The following NRXN3 variants were observed in gnomAD, a reference collection of about 807,000 sequenced individuals.
NRXN3 encodes the protein neurexin III.
A neutral mutation model predicts 137.6 loss-of-function variants in NRXN3; 32 were observed. The ratio of observed to expected loss-of-function variants is 0.23; its 90% CI spans 0.18 to 0.31. NRXN3 has a LOEUF of 0.31. NRXN3 is among the 10% of genes least tolerant of loss of function. The pLI, the probability that NRXN3 is intolerant of heterozygous loss-of-function variation, is 1.00. For synonymous variants in NRXN3, 798 were observed against 784.5 expected (o/e 1.02, Z -0.29); for missense variants, 1,574 against 2,062.5 (o/e 0.76, Z 4.59).
chr14:79,690,348 G>T (rs759838428), intron 17 of NRXN3, among the ~76,000 whole-genome samples: 1 of 151,906 alleles, frequency 6.6e-6, no homozygotes, highest in Non-Finnish European at 1.5e-5. Flanking sequence ...ATATTCTTTC[G>T]CCATGGGCTA....
intron 16 of NRXN3, among the ~76,000 whole-genome samples, chr14:79,523,765 A>G (rs1010464581): frequency 3.9e-5 from 6 of 152,352 alleles, no homozygotes; most frequent in African/African-American, 1.4e-4. Context: ...TTGTATAAGT[A>G]TGTAACTTCA....
chr14:79,375,235 G>GTTTTTTTTT (rs35994648), intron 15 of NRXN3, among the ~76,000 whole-genome samples: 3 of 129,984 alleles, frequency 2.3e-5, no homozygotes, highest in East Asian at 2.2e-4. Context: ...GAGTTTTTGT[G>GTTTTTTTTT]TTTTTTTTTT....
At chr14:78,526,758 A>G in intron 4 of NRXN3, 1 of 518,094 alleles carries the variant, frequency 1.9e-6, no homozygotes, top group Non-Finnish European at 3.9e-6. Flanking sequence ...ATGACTATTT[A>G]TAGACAGGAA....
At chr14:78,851,660 C>T (rs1381895558) in intron 10 of NRXN3, among the ~76,000 whole-genome samples, 1 of 152,138 alleles carries the variant, frequency 6.6e-6, no homozygotes, top group Non-Finnish European at 1.5e-5. Context: ...AATTCACAAT[C>T]TGAATCAAGC....
intron 16 of NRXN3, among the ~76,000 whole-genome samples, chr14:79,528,164 A>C (rs1260162899): frequency 1.3e-5 from 2 of 152,198 alleles, no homozygotes; most frequent in East Asian, 3.9e-4. Flanking sequence ...AGAGATGTTT[A>C]TTATAGTTTC....
intron 10 of NRXN3, among the ~76,000 whole-genome samples, chr14:78,865,547 G>C (rs1031044097): frequency 2.6e-5 from 4 of 152,064 alleles, no homozygotes; most frequent in African/African-American, 9.7e-5. Flanking sequence ...TGTAAATATG[G>C]CTAATACAGG....
intron 4 of NRXN3, among the ~76,000 whole-genome samples, chr14:78,413,094 T>A (rs2092927211): frequency 6.6e-6 from 1 of 152,190 alleles, no homozygotes; most frequent in South Asian, 2.1e-4. Flanking sequence ...GAGATGGGGA[T>A]TCTTCTTTAA....
chr14:79,505,040 G>T (rs2096863728), intron 16 of NRXN3, among the ~76,000 whole-genome samples: 1 of 151,920 alleles, frequency 6.6e-6, no homozygotes. Flanking sequence ...CATGGCGAAA[G>T]CCCATCTCTA....
intron 1 of NRXN3, among the ~76,000 whole-genome samples, chr14:78,235,011 TA>T (rs2066035441): frequency 9.6e-6 from 1 of 103,628 alleles, no homozygotes; most frequent in African/African-American, 4.0e-5. Context: ...TATATATATA[TA>T]TATATATATA....
In NRXN3 at chr14:78,256,740, T is replaced by C. The variant is rs115899509; in HGVS notation, c.709+12938T>C. Among the ~76,000 whole-genome samples the C allele has an allele frequency of 1.7e-3, 254 of 152,360 alleles. 1 individual carries two copies. Among genetic ancestry groups the C allele is most frequent in the African/African-American group, 5.8e-3 (240 of 41,582 alleles). The stretch of plus-strand genomic sequence containing the variant: ...GCAACACACGTAAGTTAACAATGCA[T>C]TGATAACTCATATGCAAGTTTTTAA... On this transcript the variant is annotated intron_variant, in intron 2 of 20. Coordinates refer to ENST00000335750, the MANE Select transcript of NRXN3 (RefSeq NM_001330195.2).
At chr14:79,252,904 G>A (rs995829155) in intron 15 of NRXN3, among the ~76,000 whole-genome samples, 2 of 152,122 alleles carry the variant, frequency 1.3e-5, no homozygotes, top group Non-Finnish European at 2.9e-5. Flanking sequence ...GAGTTGCCCA[G>A]CCACATCCAT....
intron 15 of NRXN3, among the ~76,000 whole-genome samples, chr14:79,289,498 T>C (rs2082811698): frequency 6.6e-6 from 1 of 152,130 alleles, no homozygotes; most frequent in South Asian, 2.1e-4. Flanking sequence ...CATACGCCTG[T>C]AATCTCAGCT....
At chr14:78,643,316 C>T (rs2097653841) in intron 4 of NRXN3, among the ~76,000 whole-genome samples, 1 of 152,102 alleles carries the variant, frequency 6.6e-6, no homozygotes, top group South Asian at 2.1e-4. Flanking sequence ...ATAATTCTCT[C>T]AACCTTATTT....
intron 10 of NRXN3, among the ~76,000 whole-genome samples, chr14:78,930,669 C>A (rs117213931): frequency 6.6e-6 from 1 of 152,058 alleles, no homozygotes; most frequent in East Asian, 1.9e-4. Flanking sequence ...ATGAGGAACC[C>A]GAAACTCAAA....
chr14:78,809,566 A>T (rs1324168811), intron 9 of NRXN3, among the ~76,000 whole-genome samples: 1 of 152,172 alleles, frequency 6.6e-6, no homozygotes, highest in Non-Finnish European at 1.5e-5. Flanking sequence ...CCACCTCTCT[A>T]AAATCTGGGA....
chr14:79,000,841 T>C (rs1458544667), intron 15 of NRXN3, among the ~76,000 whole-genome samples: 3 of 152,158 alleles, frequency 2.0e-5, no homozygotes, highest in Non-Finnish European at 2.9e-5. Context: ...CAAGAAAGTT[T>C]AGTGAAACAA....
intron 15 of NRXN3, among the ~76,000 whole-genome samples, chr14:79,255,193 C>T (rs534227171): frequency 1.8e-4 from 28 of 152,336 alleles, no homozygotes; most frequent in African/African-American, 6.7e-4. Context: ...CACAAACTCA[C>T]ACTGTCAGGA....
rs775590401 is a variant in NRXN3, at chr14:78,413,506, A to G, written c.757+115646A>G. 3.9e-4 allele frequency among the ~76,000 whole-genome samples: 60 copies of G among 152,040 alleles called. 1 individual carries two copies. The highest frequency in any genetic ancestry group is 1.3e-4 in the Non-Finnish European group (9 of 68,008). On this transcript the variant is annotated intron_variant, in intron 4 of 20. Transcript: ENST00000335750. The stretch of plus-strand genomic sequence containing the variant: ...CTCCATGTTGGTCAGGCTGGTCTTG[A>G]ACTCCCGACCTCAGGTGGTCCGGCC...
intron 4 of NRXN3, among the ~76,000 whole-genome samples, chr14:78,384,599 G>T (rs73319526): frequency 0.028 from 4,281 of 152,116 alleles, 181 homozygotes; most frequent in African/African-American, 0.093. Flanking sequence ...GAAAAATGTA[G>T]ACCCACTATA....
Sources: gnomAD v4.1 joint callset for allele counts (sites outside exome capture counted in the v4.1 genomes callset) on GRCh38, gnomAD v4.1.1 for gene constraint, MANE v1.5 for transcripts, NCBI Gene and HGNC (gene_info 2026-07-23, HGNC 2026-07-21) for gene names.